The following MUS81 variants were observed in gnomAD, a reference collection of about 807,000 sequenced individuals.
MUS81 encodes the protein structure-specific endonuclease subunit MUS81.
A neutral mutation model predicts 74.2 loss-of-function variants in MUS81; 69 were observed. That is an observed-to-expected ratio of 0.93 (90% CI 0.77 to 1.14). The LOEUF is 1.14. Ranked by LOEUF, MUS81 falls within the 50% of genes most tolerant of loss-of-function variation. The probability of loss-of-function intolerance (pLI) is 0.00; values close to 1 mark genes in which losing one functional copy is unlikely to be tolerated. For missense variants in MUS81, 711 were observed against 726.5 expected (o/e 0.98, Z 0.25); for synonymous variants, 303 against 300.6 (o/e 1.01, Z -0.08).
upstream of MUS81, chr11:65,860,253 A>G (rs1209258586): frequency 6.6e-6 from 3 of 456,574 alleles, no homozygotes; most frequent in Non-Finnish European, 1.3e-5. Flanking sequence ...TCTTTTCAAG[A>G]CCAGTCTCCA....
Position 65,864,627 on chromosome 11 carries a change from G to A in MUS81, c.1176+14G>A. The A allele has an allele frequency of 6.2e-7, 1 of 1,613,350 alleles. No individual in the cohort carries two copies. The highest frequency in any genetic ancestry group is 8.5e-7 in the Non-Finnish European group (1 of 1,179,466). On this transcript the variant is annotated intron_variant, in intron 11 of 15. Transcript: ENST00000308110. ...ACCAACACTCAGGTGAGCTGGGAGG[G>A]CAGGGCCAGGCAGGCAGGCAGGGGC...
intron 14 of MUS81, 105 bp from the exon 15 acceptor site, chr11:65,865,706 G>A: frequency 2.6e-6 from 3 of 1,169,294 alleles, no homozygotes; most frequent in Non-Finnish European, 3.8e-6. Context: ...GTGGGGCAGT[G>A]TCCCAACTCT....
chr11:65,863,155 G>A lies in MUS81; in HGVS notation c.696G>A (p.Lys232=). The change falls in exon 7 of 16, where the codon AAG becomes AAA. Residue 232 remains lysine, a synonymous_variant. Transcript: ENST00000308110. The part of the protein sequence containing the change: ...LSLLNVGIGP[K]EPPGEETAVP... ...TGCTGAATGTGGGCATCGGGCCCAAGGAGCCCCCTGGGGAGGAGACAGCAG... is the reference window on the plus strand; with the variant it reads ...TGCTGAATGTGGGCATCGGGCCCAAAGAGCCCCCTGGGGAGGAGACAGCAG... 1 of 1,614,060 alleles carries A rather than the reference G, an allele frequency of 6.2e-7. No individual in the cohort carries two copies. Among genetic ancestry groups the A allele is most frequent in the Non-Finnish European group, 8.5e-7 (1 of 1,179,980 alleles).
intron 3 of MUS81, 97 bp downstream of exon 3, chr11:65,861,532 C>T (rs1859605554): frequency 7.1e-6 from 7 of 983,304 alleles, no homozygotes; most frequent in Non-Finnish European, 1.1e-5. Flanking sequence ...CAAATCTCAC[C>T]AGTGATGCCT....
rs775244318 is a variant in MUS81 at position 65,860,907 on chromosome 11, C to G, written c.135+19C>G. On this transcript the variant is annotated intron_variant, in intron 1 of 15. Coordinates refer to ENST00000308110, the MANE Select transcript of MUS81 (RefSeq NM_025128.5). The stretch of plus-strand genomic sequence containing the variant: ...TCAGAAGGTGGGTCCTGGCGTGGCC[C>G]GATGGGAAAAGCTGCTGGCCAGGTC... 2 of 1,602,826 alleles carry G rather than the reference C, an allele frequency of 1.2e-6. No homozygotes were observed. Among genetic ancestry groups the G allele is most frequent in the Non-Finnish European group, 1.7e-6 (2 of 1,175,704 alleles).
chr11:65,863,263 C>T, intron 7 of MUS81, 58 bp downstream of exon 7: 1 of 1,581,770 alleles, frequency 6.3e-7, no homozygotes, highest in Non-Finnish European at 8.6e-7. Flanking sequence ...GAAATGAGGC[C>T]AAAGCCCCGC....
rs1280137486 is a variant in MUS81, at chr11:65,863,612, G to C, written c.852G>C (p.Arg284Ser). ...DIGETRGGGHRPELLRELQRL... is the reference protein window; with the variant it reads ...DIGETRGGGHSPELLRELQRL... Reference sequence around the variant, plus strand: ...CTTGCCACTCCAGGGGCGGGCACAGGCCGGAGCTGCTCCGAGAGCTACAGC... The same window carrying C: ...CTTGCCACTCCAGGGGCGGGCACAGCCCGGAGCTGCTCCGAGAGCTACAGC... Residue 284 changes from arginine to serine, a missense_variant, in exon 9 of 16, where the codon AGG (arginine) becomes AGC (serine). Coordinates refer to ENST00000308110, the MANE Select transcript of MUS81 (RefSeq NM_025128.5). 3 of 1,614,022 alleles carry C rather than the reference G, an allele frequency of 1.9e-6. No homozygotes were observed. The highest frequency in any genetic ancestry group is 3.3e-4 in the Middle Eastern group (2 of 6,062).
rs1859837380 is a variant in MUS81, at chr11:65,866,374, G to A, written c.*322G>A. The A allele has an allele frequency of 1.6e-6, 1 of 625,248 alleles. No individual in the cohort carries two copies. Among genetic ancestry groups the A allele is most frequent in the South Asian group, 1.9e-5 (1 of 52,060 alleles). The allele number at this position is 625,248 out of a possible 1,614,324, so 38.7% of individuals were successfully genotyped here. ...ATAAAATTTCCTTAGGAGTGCAGAG[G>A]GCTCATTGGGAAAATAAAAATAATA... On this transcript the variant is annotated 3_prime_UTR_variant, in exon 16 of 16. Coordinates refer to ENST00000308110, the MANE Select transcript of MUS81 (RefSeq NM_025128.5).
At position 65,865,235 on chromosome 11, in the gene MUS81, G is replaced by T; in HGVS notation, c.1417G>T (p.Glu473Ter). ...CCGAACCCAGGCCCAGTCGGTGCGAGAAGTGTTTGCCCGGCAGCTGATGCA... is the reference window on the plus strand; with the variant it reads ...CCGAACCCAGGCCCAGTCGGTGCGATAAGTGTTTGCCCGGCAGCTGATGCA... ...AIKNKAQSVR[E>*]VFARQLMQVR... is the part of the protein sequence containing the mutation. Residue 473 changes from glutamate to a stop codon, truncating the protein, a stop_gained, in exon 14 of 16, where the codon GAA (glutamate) becomes TAA (stop). Transcript: ENST00000308110. LOFTEE classifies it high-confidence loss of function. The T allele has an allele frequency of 6.2e-7, 1 of 1,614,186 alleles. No homozygotes were observed. Among genetic ancestry groups the T allele is most frequent in the Non-Finnish European group, 8.5e-7 (1 of 1,180,012 alleles).
At chr11:65,860,392 T>A (rs2134719137), upstream of MUS81, 1 of 492,070 alleles carries the variant, frequency 2.0e-6, no homozygotes, top group South Asian at 1.6e-5. Context: ...CTGTCCGCCT[T>A]CCTCTCGCCT....
At position 65,860,723 on chromosome 11, in the gene MUS81, G is replaced by A. The variant is rs1859556663; in HGVS notation, c.-31G>A. 22 of 1,532,556 alleles carry A rather than the reference G, an allele frequency of 1.4e-5. No homozygotes were observed. The highest frequency in any genetic ancestry group is 1.8e-5 in the Non-Finnish European group (21 of 1,145,546). 94.9% of individuals were successfully genotyped at this position (1,532,556 alleles called of 1,614,324 possible). A position where few individuals can be genotyped will look rare whatever the true frequency, so the allele number is the denominator to read the frequency against. ...CTGGCGGCGTCCCAGTCCCGCGGGC[G>A]TGGAGCGCCGGAGGACCCGCCCTCG... On this transcript the variant is annotated 5_prime_UTR_variant, in exon 1 of 16. The change creates a new upstream start codon in the 5' untranslated region. Coordinates refer to ENST00000308110, the MANE Select transcript of MUS81 (RefSeq NM_025128.5).
chr11:65,860,470 A>C lies in MUS81; in HGVS notation c.-284A>C. 2 of 539,466 alleles carry C rather than the reference A, an allele frequency of 3.7e-6. No homozygotes were observed. Among genetic ancestry groups the C allele is most frequent in the East Asian group, 3.3e-5 (1 of 30,212 alleles). The allele number at this position is 539,466 out of a possible 1,614,324, so 33.4% of individuals were successfully genotyped here. ...CCGGTCCAGGCTCCGGGGGCTGGGA[A>C]AGGGCGCGTCTCAAAGGCTGGCTGG... On this transcript the variant is annotated 5_prime_UTR_variant, in exon 1 of 16. Transcript: ENST00000308110.
chr11:65,864,894 A>C, intron 12 of MUS81, 79 bp downstream of exon 12: 1 of 1,579,380 alleles, frequency 6.3e-7, no homozygotes, highest in Non-Finnish European at 8.6e-7. Context: ...GCATCCCCAA[A>C]AGAAGCAAGG....
intron 10 of MUS81, 108 bp from the exon 11 acceptor site, chr11:65,864,389 A>G: frequency 2.0e-6 from 2 of 977,820 alleles, no homozygotes; most frequent in South Asian, 1.4e-5. Context: ...TGCAGAGGCT[A>G]ACTGGTGGGA....
At chr11:65,862,087 G>T (rs1464591403) in intron 4 of MUS81, 42 bp downstream of exon 4, 1 of 1,597,018 alleles carries the variant, frequency 6.3e-7, no homozygotes, top group Non-Finnish European at 8.6e-7. Context: ...CATGGCAGTG[G>T]GGTGGGAGGT....
chr11:65,862,904 C>T (rs903345649), intron 6 of MUS81, among the ~76,000 whole-genome samples, 161 bp from the exon 7 acceptor site: 1 of 152,220 alleles, frequency 6.6e-6, no homozygotes, highest in African/African-American at 2.4e-5. Flanking sequence ...GCCCAAGGAA[C>T]TGCTCTAAGA....
Position 65,866,275 on chromosome 11 carries a change from C to T in MUS81, c.*223C>T. The T allele has an allele frequency of 1.7e-6, 1 of 601,836 alleles. No homozygotes were observed. The highest frequency in any genetic ancestry group is 3.0e-5 in the Admixed American group (1 of 33,404). The allele number at this position is 601,836 out of a possible 1,614,324, so 37.3% of individuals were successfully genotyped here. On this transcript the variant is annotated 3_prime_UTR_variant, in exon 16 of 16. Transcript: ENST00000308110. Reference sequence around the variant, plus strand: ...AAAGCTGCTTAGCACCTGGAATTCCCTGGTCAGGGAGATGGAGTCAGTGGG... The same window carrying T: ...AAAGCTGCTTAGCACCTGGAATTCCTTGGTCAGGGAGATGGAGTCAGTGGG...
chr11:65,863,257 T>C, intron 7 of MUS81, 52 bp downstream of exon 7: 1 of 1,587,472 alleles, frequency 6.3e-7, no homozygotes, highest in Non-Finnish European at 8.6e-7. Flanking sequence ...GGATGGGAAA[T>C]GAGGCCAAAG....
chr11:65,860,166 C>T (rs1247348024), upstream of MUS81: 1 of 439,180 alleles, frequency 2.3e-6, no homozygotes, highest in African/African-American at 2.0e-5. Flanking sequence ...GTCCTCATCC[C>T]CGGCACCCAT....
Sources: gnomAD v4.1 joint callset for allele counts (sites outside exome capture counted in the v4.1 genomes callset) on GRCh38, gnomAD v4.1.1 for gene constraint, MANE v1.5 for transcripts, NCBI Gene and HGNC (gene_info 2026-07-23, HGNC 2026-07-21) for gene names.